Variants in BCL2L14 observed in about 807,000 individuals in gnomAD.
The protein encoded by BCL2L14 is apoptosis facilitator Bcl-2-like protein 14.
A neutral mutation model predicts 35.3 loss-of-function variants in BCL2L14; 27 were observed. That is an observed-to-expected ratio of 0.76 (90% CI 0.56 to 1.05). BCL2L14 has a LOEUF of 1.05. Ranked by LOEUF, BCL2L14 falls within the 50% of genes least tolerant of loss-of-function variation. BCL2L14 has a pLI of 0.00. For synonymous variants in BCL2L14, 139 were observed against 145.9 expected (o/e 0.95, Z 0.34); for missense variants, 377 against 382.6 (o/e 0.99, Z 0.12).
intron 2 of BCL2L14, among the ~76,000 whole-genome samples, chr12:12,059,576 C>T (rs1346011767): frequency 6.6e-6 from 1 of 151,904 alleles, no homozygotes; most frequent in Non-Finnish European, 1.5e-5. Context: ...TATCTCTGTG[C>T]CTGACCCCTT....
chr12:12,080,559 G>A (rs568316325), intron 2 of BCL2L14, among the ~76,000 whole-genome samples: 1 of 151,276 alleles, frequency 6.6e-6, no homozygotes, highest in Admixed American at 6.6e-5. Flanking sequence ...GGCGGAGGTT[G>A]CAGTGAGCCG....
At chr12:12,081,347 A>G (rs1446675275) in intron 2 of BCL2L14, among the ~76,000 whole-genome samples, 1 of 150,606 alleles carries the variant, frequency 6.6e-6, no homozygotes, top group Non-Finnish European at 1.5e-5. Context: ...CCCAGCTACT[A>G]TGGAGGCTGA....
intron 1 of BCL2L14, among the ~76,000 whole-genome samples, chr12:12,050,810 A>AAAAAAAAG (rs1555084771): frequency 9.1e-6 from 1 of 110,060 alleles, no homozygotes; most frequent in African/African-American, 3.0e-5. Context: ...AAAAAAAAAA[A>AAAAAAAAG]AAAGAAAAGA....
rs1213036278 is a variant in BCL2L14, at chr12:12,090,846, A to C, written c.675A>C (p.Arg225Ser). The C allele has an allele frequency of 6.2e-7, 1 of 1,611,958 alleles. No homozygotes were observed. The highest frequency in any genetic ancestry group is 1.1e-5 in the South Asian group (1 of 90,848). ...LLKYSGDQLE[R>S]KLKKDKALMG... ...AATATTCAGGAGATCAGTTGGAAAGAAAGGTATGGAACACCTTGAACTGAT... is the reference window on the plus strand; with the variant it reads ...AATATTCAGGAGATCAGTTGGAAAGCAAGGTATGGAACACCTTGAACTGAT... Residue 225 changes from arginine to serine, a missense_variant, in exon 4 of 6, where the codon AGA (arginine) becomes AGC (serine). Transcript: ENST00000308721.
upstream of BCL2L14, among the ~76,000 whole-genome samples, chr12:12,066,467 T>G (rs1390180031): frequency 6.6e-6 from 1 of 152,216 alleles, no homozygotes; most frequent in Non-Finnish European, 1.5e-5. Context: ...ATCTATATTA[T>G]TCAAACTCTT....
At chr12:12,057,951 T>C (rs988057199) in intron 2 of BCL2L14, among the ~76,000 whole-genome samples, 2 of 30,604 alleles carry the variant, frequency 6.5e-5, no homozygotes, top group African/African-American at 1.5e-4. Context: ...GTTTGTCTTT[T>C]TTTTTTTTTT....
chr12:12,085,741 G>A (rs1010703838), intron 2 of BCL2L14, among the ~76,000 whole-genome samples: 8 of 152,138 alleles, frequency 5.3e-5, no homozygotes, highest in Admixed American at 1.3e-4. Flanking sequence ...CAGGGAGAGG[G>A]ATCAGGAGCC....
chr12:12,096,176 C>T, intron 5 of BCL2L14: 1 of 975,164 alleles, frequency 1.0e-6, no homozygotes. Context: ...ATCAAATTCC[C>T]AATTGACTAT....
At chr12:12,080,618 T>C (rs1212821836) in intron 2 of BCL2L14, among the ~76,000 whole-genome samples, 1 of 119,120 alleles carries the variant, frequency 8.4e-6, no homozygotes, top group Non-Finnish European at 1.7e-5. Context: ...AGACTTTGTC[T>C]CAAAAAAAAA....
intron 2 of BCL2L14, among the ~76,000 whole-genome samples, chr12:12,059,073 T>G (rs1416326969): frequency 6.6e-6 from 1 of 152,192 alleles, no homozygotes; most frequent in Non-Finnish European, 1.5e-5. Context: ...GGAGACACGT[T>G]TTATCCGTAG....
chr12:12,072,568 T>G (rs1487043954), intron 1 of BCL2L14: 3 of 152,226 alleles, frequency 2.0e-5, no homozygotes, highest in Non-Finnish European at 4.4e-5. Flanking sequence ...TGAATTAGAA[T>G]AAGCCTCACA....
upstream of BCL2L14, among the ~76,000 whole-genome samples, chr12:12,066,096 T>C (rs934659455): frequency 6.6e-6 from 1 of 151,928 alleles, no homozygotes; most frequent in African/African-American, 2.4e-5. Context: ...TGGCCGAGAG[T>C]TTTTCTTGTG....
intron 3 of BCL2L14, 85 bp downstream of exon 3, chr12:12,087,471 C>T: frequency 1.4e-6 from 2 of 1,439,194 alleles, no homozygotes; most frequent in Middle Eastern, 2.5e-4. Context: ...GGCTCGGCAA[C>T]TTGACAGTCT....
chr12:12,077,932 A>G (rs748286920), intron 1 of BCL2L14: 42 of 423,114 alleles, frequency 9.9e-5, no homozygotes, highest in Admixed American at 2.8e-4. Context: ...ATTATTAGCA[A>G]AAAGAACTGC....
upstream of BCL2L14, among the ~76,000 whole-genome samples, chr12:12,068,926 C>T (rs975793368): frequency 1.3e-5 from 2 of 152,106 alleles, no homozygotes; most frequent in African/African-American, 2.4e-5. Context: ...GTGAATTATT[C>T]GTGAGTTTTC....
intron 3 of BCL2L14, among the ~76,000 whole-genome samples, chr12:12,090,519 G>A (rs573098735): frequency 6.6e-6 from 1 of 152,156 alleles, no homozygotes; most frequent in African/African-American, 2.4e-5. Context: ...TGTAATCCCA[G>A]CTACTTGGGA....
In BCL2L14 at chr12:12,099,271, C is replaced by A; in HGVS notation, c.*283C>A. The A allele has an allele frequency of 2.5e-6, 1 of 407,676 alleles. No individual in the cohort carries two copies. The highest frequency in any genetic ancestry group is 3.1e-5 in the South Asian group (1 of 31,964). The allele number at this position is 407,676 out of a possible 1,614,324, so 25.3% of individuals were successfully genotyped here. A position where few individuals can be genotyped will look rare whatever the true frequency, so the allele number is the denominator to read the frequency against. ...GTGATGTTGTTTCAAACGTTCAGAA[C>A]AGATACCATCATCCTGCCTTTGTTA... On this transcript the variant is annotated 3_prime_UTR_variant, in exon 6 of 6. Transcript: ENST00000308721.
intron 4 of BCL2L14, 73 bp downstream of exon 4, chr12:12,090,922 C>A: frequency 8.1e-7 from 1 of 1,237,244 alleles, no homozygotes; most frequent in Non-Finnish European, 1.1e-6. Context: ...GAATTGTATT[C>A]CAGGTTGCAA....
intron 1 of BCL2L14, among the ~76,000 whole-genome samples, chr12:12,075,922 G>T (rs932970472): frequency 1.3e-5 from 2 of 151,894 alleles, no homozygotes; most frequent in Admixed American, 1.3e-4. Context: ...ATTAGATCCA[G>T]AGGCTTGATC....
Sources: gnomAD v4.1 joint callset for allele counts (sites outside exome capture counted in the v4.1 genomes callset) on GRCh38, gnomAD v4.1.1 for gene constraint, MANE v1.5 for transcripts, NCBI Gene and HGNC (gene_info 2026-07-23, HGNC 2026-07-21) for gene names.